Variants in TLK2 observed in about 807,000 individuals in gnomAD.
TLK2 encodes the protein serine/threonine-protein kinase tousled-like 2.
TLK2 carries 6 observed loss-of-function variants against 117.3 expected under a neutral mutation model. The ratio of observed to expected loss-of-function variants is 0.05; its 90% CI spans 0.03 to 0.10. The LOEUF (loss-of-function observed/expected upper bound fraction) is 0.10. TLK2 is among the 10% of genes least tolerant of loss of function. The probability of loss-of-function intolerance (pLI) is 1.00; values close to 1 mark genes in which losing one functional copy is unlikely to be tolerated. For synonymous variants in TLK2, 257 were observed against 316.7 expected (o/e 0.81, Z 2.00); for missense variants, 299 against 901.2 (o/e 0.33, Z 8.56).
chr17:62,490,165 T>C (rs1174149373), intron 2 of TLK2, among the ~76,000 whole-genome samples: 2 of 152,250 alleles, frequency 1.3e-5, no homozygotes. Context: ...TCTTGTCATA[T>C]ATTGCTTCTG....
At chr17:62,571,002 C>G (rs756734626) in intron 11 of TLK2, among the ~76,000 whole-genome samples, 11 of 152,168 alleles carry the variant, frequency 7.2e-5, no homozygotes, top group South Asian at 2.1e-4. Flanking sequence ...GTCTTACATT[C>G]ATGGCCCCTG....
chr17:62,526,646 C>A (rs1598388603), intron 6 of TLK2, among the ~76,000 whole-genome samples: 1 of 152,212 alleles, frequency 6.6e-6, no homozygotes, highest in Middle Eastern at 3.4e-3. Context: ...CCCTTCCCTA[C>A]CATAACAATA....
chr17:62,569,355 A>G (rs575322851), intron 11 of TLK2, among the ~76,000 whole-genome samples: 165 of 151,640 alleles, frequency 1.1e-3, no homozygotes, highest in Non-Finnish European at 1.7e-3. Flanking sequence ...GAAGTTTTGA[A>G]GTTTCAGACC....
intron 15 of TLK2, among the ~76,000 whole-genome samples, chr17:62,582,433 A>G (rs1394632304): frequency 2.0e-5 from 3 of 151,916 alleles, no homozygotes; most frequent in African/African-American, 4.8e-5. Flanking sequence ...TAAAATTTTT[A>G]TTTTTGTGTT....
At chr17:62,601,629 G>A (rs1303897527) in intron 18 of TLK2, among the ~76,000 whole-genome samples, 2 of 152,164 alleles carry the variant, frequency 1.3e-5, no homozygotes, top group Non-Finnish European at 2.9e-5. Context: ...CGGTGCTGTG[G>A]TGCTAGCTTT....
At chr17:62,556,019 A>C (rs1443826361) in intron 9 of TLK2, among the ~76,000 whole-genome samples, 3 of 152,048 alleles carry the variant, frequency 2.0e-5, no homozygotes, top group African/African-American at 7.2e-5. Context: ...GGTTCAAGTG[A>C]TTCTCCTGCC....
At chr17:62,557,957 TAAATA>T (rs2078980081) in intron 9 of TLK2, among the ~76,000 whole-genome samples, 2 of 152,148 alleles carry the variant, frequency 1.3e-5, no homozygotes, top group Admixed American at 1.3e-4. Context: ...AAGGAGTAGA[TAAATA>T]AAAAAGGAAG....
At chr17:62,556,576 C>T (rs1442862014) in intron 9 of TLK2, among the ~76,000 whole-genome samples, 1 of 152,194 alleles carries the variant, frequency 6.6e-6, no homozygotes, top group Non-Finnish European at 1.5e-5. Context: ...ATATAACACG[C>T]ATTCTCTCTC....
intron 9 of TLK2, among the ~76,000 whole-genome samples, chr17:62,559,136 C>G (rs1485526081): frequency 6.6e-6 from 1 of 152,146 alleles, no homozygotes; most frequent in East Asian, 1.9e-4. Flanking sequence ...AGGCTTCTGA[C>G]CACAGCTAAA....
intron 15 of TLK2, 149 bp from the exon 16 acceptor site, chr17:62,585,986 A>G: frequency 1.8e-6 from 1 of 552,708 alleles, no homozygotes; most frequent in South Asian, 3.2e-5. Context: ...AAGTTTCAAG[A>G]AGGTGCTTGC....
At chr17:62,472,737 C>CAA (rs138668621) in intron 1 of TLK2, among the ~76,000 whole-genome samples, 4 of 94,714 alleles carry the variant, frequency 4.2e-5, no homozygotes, top group African/African-American at 3.9e-5. Flanking sequence ...GACCCCGTCT[C>CAA]AAAAAAAAAA....
intron 2 of TLK2, among the ~76,000 whole-genome samples, chr17:62,503,210 C>T (rs1490269239): frequency 2.0e-5 from 3 of 151,850 alleles, no homozygotes; most frequent in Admixed American, 6.6e-5. Flanking sequence ...CAGGCACATG[C>T]CGCCATGCTT....
At chr17:62,478,691 C>T (rs1412818997), upstream of TLK2, among the ~76,000 whole-genome samples, 3 of 142,582 alleles carry the variant, frequency 2.1e-5, no homozygotes, top group Admixed American at 6.9e-5. Context: ...GGGACCCCCC[C>T]CCACCTTCCT....
At chr17:62,546,704 T>C (rs1464362951) in intron 7 of TLK2, among the ~76,000 whole-genome samples, 4 of 151,478 alleles carry the variant, frequency 2.6e-5, no homozygotes, top group African/African-American at 9.7e-5. Flanking sequence ...TATAGGCACA[T>C]ACCACCACAC....
In TLK2 at chr17:62,611,575, G is replaced by A. The variant is rs567851459; in HGVS notation, c.2080-817G>A. ...GAGAGCCAATGAACCTATCTGTACC[G>A]ACACATCACATCCTTGTCACCCTCA... On this transcript the variant is annotated intron_variant, in intron 21 of 21. Coordinates refer to ENST00000346027, the MANE Select transcript of TLK2 (RefSeq NM_006852.6). Among the ~76,000 whole-genome samples, 7 of 152,288 alleles carry A rather than the reference G, an allele frequency of 4.6e-5. No homozygotes were observed. The South Asian group carries it at 1.2e-3, about 27-fold the overall frequency.
At chr17:62,586,808 G>A (rs1482924189) in intron 16 of TLK2, among the ~76,000 whole-genome samples, 3 of 148,524 alleles carry the variant, frequency 2.0e-5, no homozygotes, top group Non-Finnish European at 4.5e-5. Flanking sequence ...GTGATGGTGC[G>A]AGTGCGAGAC....
intron 15 of TLK2, among the ~76,000 whole-genome samples, chr17:62,581,855 GAT>G (rs1375252359): frequency 1.3e-5 from 2 of 152,166 alleles, no homozygotes; most frequent in Non-Finnish European, 2.9e-5. Flanking sequence ...TAGCTACTTA[GAT>G]AGAGTTGTGA....
At chr17:62,508,040 A>G (rs547201731) in intron 2 of TLK2, among the ~76,000 whole-genome samples, 1 of 152,230 alleles carries the variant, frequency 6.6e-6, no homozygotes, top group African/African-American at 2.4e-5. Flanking sequence ...AAATGTTGTC[A>G]TAGACAATAT....
At chr17:62,471,505 T>G (rs1229265123) in intron 1 of TLK2, among the ~76,000 whole-genome samples, 1 of 152,220 alleles carries the variant, frequency 6.6e-6, no homozygotes, top group Non-Finnish European at 1.5e-5. Context: ...AAGTCCAATC[T>G]GGAGGCTGTT....
Sources: allele counts gnomAD v4.1 joint callset (sites outside exome capture counted in the v4.1 genomes callset), GRCh38; gene constraint gnomAD v4.1.1; transcripts MANE v1.5; gene names NCBI Gene and HGNC (gene_info 2026-07-23, HGNC 2026-07-21).